The following ARFGEF1 variants were observed in gnomAD, a reference collection of about 807,000 sequenced individuals.
ARFGEF1 encodes brefeldin A-inhibited guanine nucleotide-exchange protein 1.
In ARFGEF1, 42 loss-of-function variants were observed where a neutral mutation model predicts 231.0. The observed-to-expected ratio is 0.18, with a 90% CI of 0.14 to 0.24. ARFGEF1 has a LOEUF of 0.24. ARFGEF1 is among the 10% of genes least tolerant of loss of function. The probability of loss-of-function intolerance (pLI) is 1.00; values close to 1 mark genes in which losing one functional copy is unlikely to be tolerated. For missense variants in ARFGEF1, 1,345 were observed against 2,192.0 expected, an observed-to-expected ratio of 0.61 and a Z score of 7.72; for synonymous variants, 710 against 732.3, an observed-to-expected ratio of 0.97 and a Z score of 0.49.
intron 20 of ARFGEF1, among the ~76,000 whole-genome samples, chr8:67,239,781 C>T (rs144272083): frequency 8.7e-4 from 132 of 152,174 alleles, no homozygotes; most frequent in African/African-American, 2.9e-3. Context: ...ATAACCTGTT[C>T]TTAGGCTTAA....
At chr8:67,248,413 T>G (rs1038223500) in intron 19 of ARFGEF1, among the ~76,000 whole-genome samples, 2 of 150,130 alleles carry the variant, frequency 1.3e-5, no homozygotes, top group African/African-American at 5.0e-5. Flanking sequence ...CAATAAACAG[T>G]GCTGGGAAAA....
chr8:67,227,406 C>G (rs566471354), intron 26 of ARFGEF1, 41 bp downstream of exon 26: 65 of 1,601,776 alleles, frequency 4.1e-5, no homozygotes, highest in Middle Eastern at 1.7e-4. Flanking sequence ...TGGAAAACAA[C>G]AAGATTTTCC....
intron 19 of ARFGEF1, among the ~76,000 whole-genome samples, chr8:67,243,245 T>C (rs1330303113): frequency 1.3e-5 from 2 of 152,242 alleles, no homozygotes; most frequent in Non-Finnish European, 2.9e-5. Context: ...TCAAGTATAT[T>C]AGTCCATTCT....
At chr8:67,339,886 G>C (rs1230001822) in intron 1 of ARFGEF1, among the ~76,000 whole-genome samples, 1 of 144,388 alleles carries the variant, frequency 6.9e-6, no homozygotes, top group Non-Finnish European at 1.5e-5. Context: ...CATTAACTCT[G>C]CATCCCTTTA....
chr8:67,176,160 A>G (rs1237303619), intron 5 of ARFGEF1, among the ~76,000 whole-genome samples: 1 of 152,160 alleles, frequency 6.6e-6, no homozygotes, highest in Non-Finnish European at 1.5e-5. Context: ...GACGATAGCC[A>G]GGTGTACTGC....
At chr8:67,270,055 C>CCT (rs1805012277) in intron 10 of ARFGEF1, among the ~76,000 whole-genome samples, 1 of 152,150 alleles carries the variant, frequency 6.6e-6, no homozygotes, top group Non-Finnish European at 1.5e-5. Flanking sequence ...AATGTCTCAT[C>CCT]ATCAGATGAA....
At chr8:67,193,916 A>G (rs1018809814), downstream of ARFGEF1, among the ~76,000 whole-genome samples, 5 of 152,254 alleles carry the variant, frequency 3.3e-5, no homozygotes, top group Non-Finnish European at 5.9e-5. Flanking sequence ...TCACTTTACT[A>G]AAGTAAAACA....
chr8:67,182,689 G>A (rs180809652), intron 5 of ARFGEF1, among the ~76,000 whole-genome samples: 17 of 152,136 alleles, frequency 1.1e-4, no homozygotes, highest in African/African-American at 3.9e-4. Flanking sequence ...CGGGTGTGAC[G>A]TGGCATCTCA....
intron 34 of ARFGEF1, among the ~76,000 whole-genome samples, chr8:67,208,718 A>T (rs557985917): frequency 1.3e-5 from 2 of 152,264 alleles, no homozygotes; most frequent in South Asian, 4.1e-4. Context: ...TTTGACAATG[A>T]CACCAAAGGC....
intron 29 of ARFGEF1, among the ~76,000 whole-genome samples, chr8:67,222,190 T>TACACAC (rs1554636814): frequency 7.4e-6 from 1 of 134,936 alleles, no homozygotes; most frequent in Non-Finnish European, 1.5e-5. Flanking sequence ...CACATATATA[T>TACACAC]ATATATATAT....
At chr8:67,278,711 T>C (rs1468208563) in intron 7 of ARFGEF1, among the ~76,000 whole-genome samples, 1 of 152,064 alleles carries the variant, frequency 6.6e-6, no homozygotes, top group African/African-American at 2.4e-5. Flanking sequence ...CTGGGCACGG[T>C]GGCGGGTGCC....
intron 33 of ARFGEF1, among the ~76,000 whole-genome samples, chr8:67,213,527 T>G (rs1838821839): frequency 6.6e-6 from 1 of 152,144 alleles, no homozygotes; most frequent in South Asian, 2.1e-4. Context: ...AATGATTACT[T>G]TTGTGTCAAT....
In ARFGEF1 at chr8:67,301,275, T is replaced by C. The variant is rs941565938; in HGVS notation, c.261A>G (p.Ala87=). ...CTATGCGAGGACATTTGGACTGGCA[T>C]GCCAACTCAAAAGGCAAGAAGTACT... The part of the protein sequence containing the change: ...ADKYFLPFEL[A]CQSKCPRIVS... The change falls in exon 3 of 39, where the codon GCA becomes GCG. Residue 87 remains alanine, a synonymous_variant. Transcript: ENST00000262215. 6 of 1,613,984 alleles carry C rather than the reference T, an allele frequency of 3.7e-6. No homozygotes were observed. The Admixed American group carries it at 5.0e-5, about 13-fold the overall frequency.
At chr8:67,283,885 C>T (rs975792102) in intron 7 of ARFGEF1, among the ~76,000 whole-genome samples, 7 of 152,114 alleles carry the variant, frequency 4.6e-5, no homozygotes, top group Admixed American at 1.3e-4. Flanking sequence ...GGTAAGAGTG[C>T]AAAATGGCAC....
chr8:67,238,964 CTCTGTTT>C, intron 20 of ARFGEF1, 71 bp from the exon 21 acceptor site: 1 of 1,186,480 alleles, frequency 8.4e-7, no homozygotes, highest in Non-Finnish European at 1.2e-6. Context: ...CACCAACAAA[CTCTGTTT>C]ACTTGTTCAG....
chr8:67,195,766 A>G (rs943662063), downstream of ARFGEF1: 6 of 597,444 alleles, frequency 1.0e-5, no homozygotes, highest in African/African-American at 7.5e-5. Context: ...AAAGGCCATG[A>G]TTATTGATTT....
At chr8:67,343,044 G>C (rs1466997853) in intron 1 of ARFGEF1, 120 bp downstream of exon 1, 1 of 1,189,042 alleles carries the variant, frequency 8.4e-7, no homozygotes, top group African/African-American at 1.5e-5. Context: ...CTCCGCGAGG[G>C]CTTCCCGAGG....
chr8:67,235,778 C>T (rs1225505522), intron 22 of ARFGEF1, among the ~76,000 whole-genome samples: 1 of 151,820 alleles, frequency 6.6e-6, no homozygotes, highest in Non-Finnish European at 1.5e-5. Flanking sequence ...ACTCCAGCCT[C>T]AACAACAGAG....
At chr8:67,288,979 C>T (rs1028418831) in intron 6 of ARFGEF1, among the ~76,000 whole-genome samples, 1 of 151,818 alleles carries the variant, frequency 6.6e-6, no homozygotes, top group East Asian at 1.9e-4. Flanking sequence ...ACAAAATCAC[C>T]AACAACAGAT....
Sources: gnomAD v4.1 joint callset for allele counts (sites outside exome capture counted in the v4.1 genomes callset) on GRCh38, gnomAD v4.1.1 for gene constraint, MANE v1.5 for transcripts, NCBI Gene and HGNC (gene_info 2026-07-23, HGNC 2026-07-21) for gene names.